Variants in LRP6 observed in about 807,000 individuals in gnomAD.
LRP6 encodes LDL receptor related protein 6.
LRP6 carries 43 observed loss-of-function variants against 184.1 expected under a neutral mutation model. The observed-to-expected ratio is 0.23, with a 90% CI of 0.18 to 0.30. The LOEUF is 0.30. Ranked by LOEUF, LRP6 falls within the 10% of genes least tolerant of loss-of-function variation. LRP6 has a pLI of 1.00. For missense variants in LRP6, 1,571 were observed against 2,005.3 expected (o/e 0.78, Z 4.14); for synonymous variants, 719 against 684.9 (o/e 1.05, Z -0.78).
rs1862849280 is a variant in LRP6, at chr12:12,165,262, G to C, written c.1579C>G (p.Leu527Val). 1 of 1,613,814 alleles carries C rather than the reference G, an allele frequency of 6.2e-7. No individual in the cohort carries two copies. The highest frequency in any genetic ancestry group is 8.5e-7 in the Non-Finnish European group (1 of 1,179,796). The change falls in exon 8 of 23, where the codon CTA (leucine) becomes GTA (valine). Residue 527 changes from leucine to valine, a missense_variant. Around this residue, in one of 4 missense-constraint regions of LRP6, gnomAD observed 640 missense variants for 851.9 expected, o/e 0.75. Coordinates refer to ENST00000261349, the MANE Select transcript of LRP6 (RefSeq NM_002336.3). ...ATGTGAGGAATTTTGTCTTCCACTA[G>C]TACTCGTCTCCCAGTGCCATCAGTA... ...MNTDGTGRRV[L>V]VEDKIPHIFG...
At position 12,225,259 on chromosome 12, in the gene LRP6, T is replaced by C. The variant is rs1054790544; in HGVS notation, c.449+19003A>G. 2.6e-5 allele frequency among the ~76,000 whole-genome samples: 4 copies of C among 151,984 alleles called. No individual in the cohort carries two copies. The East Asian group carries it at 7.7e-4, about 29-fold the overall frequency. ...AAGAAGCTTGGAAATCGTTACTCTA[T>C]CCTAATAGTGAGTAAAAAGCTAAAC... On this transcript the variant is annotated intron_variant, in intron 2 of 22. Coordinates refer to ENST00000261349, the MANE Select transcript of LRP6 (RefSeq NM_002336.3).
rs919476518 is a variant in LRP6, at chr12:12,164,692, G to A, written c.1763-130C>T. 1.1e-5 allele frequency: 9 copies of A among 815,452 alleles called. No individual in the cohort carries two copies. In the African/African-American group the frequency reaches 1.5e-4, roughly 14 times the overall value. 50.5% of individuals were successfully genotyped at this position (815,452 alleles called of 1,614,324 possible). A position where few individuals can be genotyped will look rare whatever the true frequency, so the allele number is the denominator to read the frequency against. On this transcript the variant is annotated intron_variant, in intron 8 of 22. Transcript: ENST00000261349. ...GATTATGTCTTGCTCCCAATCTCAA[G>A]TTTCAATTCTAATATCACAAACAAG...
chr12:12,181,032 GAGC>G lies in LRP6; in HGVS notation c.1373+8_1373+10del. On this transcript the variant is annotated splice_region_variant and intron_variant, in intron 6 of 22. Coordinates refer to ENST00000261349, the MANE Select transcript of LRP6 (RefSeq NM_002336.3). ...CACCACACAGAATTTACTATCAGTA[GAGC>G]TTCTTACCCAACCATGGGATCTAAC... 1 of 1,614,006 alleles carries G rather than the reference GAGC, an allele frequency of 6.2e-7. No homozygotes were observed. The highest frequency in any genetic ancestry group is 8.5e-7 in the Non-Finnish European group (1 of 1,179,894).
intron 17 of LRP6, 138 bp downstream of exon 17, chr12:12,135,037 A>G (rs1949813882): frequency 1.3e-5 from 16 of 1,207,462 alleles, no homozygotes; most frequent in Non-Finnish European, 1.8e-5. Context: ...AGCCTAGTAC[A>G]ATACAAATGA....
chr12:12,155,351 T>C lies in LRP6; in HGVS notation c.2791+3478A>G, dbSNP rs1950137566. The C allele has an allele frequency of 1.6e-5, 12 of 763,418 alleles. 1 individual carries two copies. The South Asian group carries it at 1.6e-4, about 10-fold the overall frequency. 47.3% of individuals were successfully genotyped at this position (763,418 alleles called of 1,614,324 possible). On this transcript the variant is annotated intron_variant, in intron 12 of 22. Coordinates refer to ENST00000261349, the MANE Select transcript of LRP6 (RefSeq NM_002336.3). ...ATGGAGTTGTTCCTTTGGCCACCTA[T>C]ATGCAAATCTGTAAGAAAGGTGATA... is the stretch of plus-strand genomic sequence containing the variant.
intron 1 of LRP6, among the ~76,000 whole-genome samples, chr12:12,246,416 G>C (rs1865185539): frequency 6.6e-6 from 1 of 151,756 alleles, no homozygotes; most frequent in Non-Finnish European, 1.5e-5. Context: ...AAATGAGGCA[G>C]CAAAAGTAAG....
chr12:12,141,132 G>A (rs1254970941), intron 15 of LRP6, among the ~76,000 whole-genome samples: 1 of 151,370 alleles, frequency 6.6e-6, no homozygotes, highest in African/African-American at 2.4e-5. Flanking sequence ...GGAAGAAGAA[G>A]GGAAAGAAGG....
chr12:12,129,972 T>C (rs1162691326), intron 19 of LRP6, among the ~76,000 whole-genome samples: 1 of 152,146 alleles, frequency 6.6e-6, no homozygotes, highest in Non-Finnish European at 1.5e-5. Context: ...ATTACAGCAC[T>C]TATACTCCAT....
At chr12:12,150,806 A>C in intron 13 of LRP6, 30 bp downstream of exon 13, 1 of 1,610,926 alleles carries the variant, frequency 6.2e-7, no homozygotes, top group South Asian at 1.1e-5. Flanking sequence ...TAGTCAGGAG[A>C]AATGAATTTT....
At chr12:12,160,680 C>T (rs992514069) in intron 10 of LRP6, among the ~76,000 whole-genome samples, 1 of 152,090 alleles carries the variant, frequency 6.6e-6, no homozygotes, top group South Asian at 2.1e-4. Flanking sequence ...TACAGTAATC[C>T]TACAGTATAG....
intron 2 of LRP6, among the ~76,000 whole-genome samples, chr12:12,217,515 C>T (rs147087525): frequency 5.9e-5 from 9 of 152,136 alleles, no homozygotes; most frequent in East Asian, 3.9e-4. Flanking sequence ...CAGCCCAGTC[C>T]GTGGAAAAAC....
chr12:12,173,534 G>C (rs1305133807), intron 7 of LRP6, among the ~76,000 whole-genome samples: 2 of 151,916 alleles, frequency 1.3e-5, no homozygotes, highest in African/African-American at 2.4e-5. Context: ...ATAGAGATGG[G>C]GTTTTGCCAT....
intron 15 of LRP6, chr12:12,139,051 G>T (rs1267388186): frequency 8.0e-7 from 1 of 1,253,052 alleles, no homozygotes; most frequent in Non-Finnish European, 1.0e-6. Context: ...TGCTATTGTT[G>T]CACAGTGAGA....
chr12:12,264,025 C>G (rs878954872), intron 1 of LRP6, among the ~76,000 whole-genome samples: 3 of 151,786 alleles, frequency 2.0e-5, no homozygotes, highest in Admixed American at 1.3e-4. Flanking sequence ...GCCTATAGTT[C>G]AGAGCTTTGG....
intron 1 of LRP6, among the ~76,000 whole-genome samples, chr12:12,245,180 A>C (rs1865155427): frequency 6.6e-6 from 1 of 152,228 alleles, no homozygotes; most frequent in South Asian, 2.1e-4. Flanking sequence ...TAATAACCCA[A>C]ACTGGAATCA....
At chr12:12,248,649 T>TA (rs1268100028) in intron 1 of LRP6, among the ~76,000 whole-genome samples, 16 of 151,782 alleles carry the variant, frequency 1.1e-4, no homozygotes, top group African/African-American at 3.9e-4. Flanking sequence ...GCCCAGCTAA[T>TA]TTTTGTATTT....
intron 22 of LRP6, 70 bp downstream of exon 22, chr12:12,124,495 T>G: frequency 9.4e-7 from 1 of 1,059,942 alleles, no homozygotes; most frequent in South Asian, 1.3e-5. Flanking sequence ...CATTTGGGGC[T>G]ATATCAGGTC....
chr12:12,230,312 TAGGTAAGGA>T (rs1280879980), intron 2 of LRP6, among the ~76,000 whole-genome samples: 2 of 152,228 alleles, frequency 1.3e-5, no homozygotes, highest in Non-Finnish European at 2.9e-5. Flanking sequence ...TTTATTTGAT[TAGGTAAGGA>T]TAAAACAACA....
At chr12:12,262,902 C>G (rs1027139914) in intron 1 of LRP6, among the ~76,000 whole-genome samples, 4 of 152,100 alleles carry the variant, frequency 2.6e-5, no homozygotes, top group African/African-American at 9.7e-5. Context: ...CTGAGTTTCC[C>G]CACTTACAAA....
Sources: gnomAD v4.1 joint callset for allele counts (sites outside exome capture counted in the v4.1 genomes callset) on GRCh38, gnomAD v4.1.1 for gene constraint, gnomAD v4.1.1 regional missense constraint, MANE v1.5 for transcripts, NCBI Gene and HGNC (gene_info 2026-07-23, HGNC 2026-07-21) for gene names.